The following MIA2 variants were observed in gnomAD, a reference collection of about 807,000 sequenced individuals.
MIA2 encodes melanoma inhibitory activity protein 2.
A neutral mutation model predicts 167.8 loss-of-function variants in MIA2; 127 were observed. That is an observed-to-expected ratio of 0.76 (90% CI 0.66 to 0.88). The LOEUF is 0.88. Ranked by LOEUF, MIA2 falls within the 40% of genes least tolerant of loss-of-function variation. MIA2 has a pLI of 0.00. For missense variants in MIA2, 1,690 were observed against 1,624.7 expected (o/e 1.04, Z -0.69); for synonymous variants, 552 against 541.9 (o/e 1.02, Z -0.26).
chr14:39,234,277 A>G (rs759321299), intron 1 of MIA2, 48 bp downstream of exon 1: 8 of 1,193,014 alleles, frequency 6.7e-6, no homozygotes, highest in Non-Finnish European at 9.8e-6. Context: ...GAGGCTCTGC[A>G]ATGACATAAA....
At chr14:39,238,811 A>AAAAAAAAAAAAAAACAAAACAAAAAAC in intron 2 of MIA2, among the ~76,000 whole-genome samples, 16 of 103,636 alleles carry the variant, frequency 1.5e-4, no homozygotes, top group Non-Finnish European at 1.9e-4. Flanking sequence ...AAAAAAAAAA[A>AAAAAAAAAAAAAAACAAAACAAAAAAC]CCCAAAAAAC....
chr14:39,314,234 A>G (rs531515519), intron 19 of MIA2, among the ~76,000 whole-genome samples: 48 of 152,216 alleles, frequency 3.2e-4, no homozygotes, highest in East Asian at 5.8e-4. Context: ...AAAAATACAA[A>G]AAATTAGTTG....
At chr14:39,323,397 T>C (rs1445066330) in intron 24 of MIA2, among the ~76,000 whole-genome samples, 1 of 152,134 alleles carries the variant, frequency 6.6e-6, no homozygotes, top group Non-Finnish European at 1.5e-5. Flanking sequence ...AAGAGACTGA[T>C]TTTGACATTG....
At chr14:39,361,384 G>A (rs942805964) in intron 23 of MIA2, among the ~76,000 whole-genome samples, 6 of 148,634 alleles carry the variant, frequency 4.0e-5, no homozygotes, top group Non-Finnish European at 7.4e-5. Context: ...ATTCTTTGGT[G>A]TTTTACTGTT....
At position 39,248,067 on chromosome 14, in the gene MIA2, G is replaced by A. The variant is rs1357689526; in HGVS notation, c.1493G>A (p.Gly498Glu). 1 of 1,565,374 alleles carries A rather than the reference G, an allele frequency of 6.4e-7. No homozygotes were observed. Among genetic ancestry groups the A allele is most frequent in the East Asian group, 2.3e-5 (1 of 43,884 alleles). Residue 498 changes from glycine to glutamate, a missense_variant, in exon 4 of 29, where the codon GGA becomes GAA. Transcript: ENST00000640607. ...QNNVIENEET[G>E]EFSIDNYPTD... ...AATGTAATTGAAAATGAAGAAACTG[G>A]AGAATTTTCCATTGATAATTATCCC...
downstream of MIA2, among the ~76,000 whole-genome samples, chr14:39,353,617 A>T (rs533324352): frequency 1.1e-4 from 16 of 152,268 alleles, no homozygotes; most frequent in South Asian, 1.5e-3. Context: ...CATGTGCACA[A>T]TGTGCAGGTT....
chr14:39,334,699 C>T (rs1435027929), intron 25 of MIA2, among the ~76,000 whole-genome samples: 41 of 151,876 alleles, frequency 2.7e-4, no homozygotes, highest in African/African-American at 5.5e-4. Context: ...CCCGAGTACC[C>T]GGGATTACAG....
At chr14:39,309,050 C>T (rs1360356062) in intron 18 of MIA2, among the ~76,000 whole-genome samples, 1 of 152,186 alleles carries the variant, frequency 6.6e-6, no homozygotes, top group Non-Finnish European at 1.5e-5. Flanking sequence ...TTCTCTCTTG[C>T]TTTTATATCT....
At chr14:39,317,813 T>C (rs1045120852) in intron 21 of MIA2, 131 bp from the exon 22 acceptor site, 5 of 528,478 alleles carry the variant, frequency 9.5e-6, no homozygotes, top group Non-Finnish European at 1.5e-5. Flanking sequence ...CTTCAGTGAT[T>C]ATGATTTGTA....
Position 39,276,920 on chromosome 14 carries a change from T to G in MIA2, c.1888-14T>G. 1 of 1,605,404 alleles carries G rather than the reference T, an allele frequency of 6.2e-7. No individual in the cohort carries two copies. Among genetic ancestry groups the G allele is most frequent in the African/African-American group, 1.3e-5 (1 of 74,178 alleles). ...AAGTACATTTTTAAGAACTTACTTT[T>G]CTTTATCTTGAAGGTTGTGGCAGCA... On this transcript the variant is annotated splice_polypyrimidine_tract_variant and intron_variant, in intron 6 of 28. Coordinates refer to ENST00000640607, the MANE Select transcript of MIA2 (RefSeq NM_001329214.4).
At chr14:39,251,419 C>T (rs1348571958) in intron 4 of MIA2, among the ~76,000 whole-genome samples, 1 of 151,506 alleles carries the variant, frequency 6.6e-6, no homozygotes, top group East Asian at 1.9e-4. Flanking sequence ...AATCTTAAAG[C>T]TTAGGTTTAA....
intron 6 of MIA2, among the ~76,000 whole-genome samples, chr14:39,254,479 G>C (rs1339099443): frequency 3.3e-5 from 5 of 152,180 alleles, no homozygotes; most frequent in Non-Finnish European, 7.3e-5. Flanking sequence ...CAGAGGCAGG[G>C]AGTCCAGTCA....
chr14:39,298,437 ATATAT>A (rs1341071588), intron 13 of MIA2, among the ~76,000 whole-genome samples: 221 of 17,852 alleles, frequency 0.012, 27 homozygotes, highest in South Asian at 0.032. Context: ...ATATATATAT[ATATAT>A]AAAGATTAGT....
intron 23 of MIA2, chr14:39,386,214 CCA>C (rs1239037575): frequency 2.0e-5 from 28 of 1,393,600 alleles, no homozygotes; most frequent in Non-Finnish European, 2.5e-5. Context: ...GATTTTATAC[CCA>C]GTTTGTCTGC....
At chr14:39,249,032 C>G (rs1398208120) in intron 4 of MIA2, among the ~76,000 whole-genome samples, 2 of 152,154 alleles carry the variant, frequency 1.3e-5, no homozygotes, top group African/African-American at 4.8e-5. Context: ...AGCCATCGTG[C>G]CTGGCCAGCT....
At chr14:39,362,905 T>C (rs988631005) in intron 23 of MIA2, among the ~76,000 whole-genome samples, 1 of 152,224 alleles carries the variant, frequency 6.6e-6, no homozygotes, top group Non-Finnish European at 1.5e-5. Flanking sequence ...AGAAAACTTC[T>C]TTATTTCCTT....
rs191149993 is a variant in MIA2 at position 39,251,231 on chromosome 14, C to T, written c.1568-1517C>T. ...CATATTGATTTAGGAATTTACAAAA[C>T]GGGTAAACTAGGGAACGGTTATTTA... On this transcript the variant is annotated intron_variant, in intron 4 of 28. Coordinates refer to ENST00000640607, the MANE Select transcript of MIA2 (RefSeq NM_001329214.4). Among the ~76,000 whole-genome samples the T allele has an allele frequency of 1.4e-4, 22 of 152,178 alleles. No homozygotes were observed. In the East Asian group the frequency reaches 1.5e-3, roughly 11 times the overall value.
At position 39,277,046 on chromosome 14, in the gene MIA2, T is replaced by TG. The variant is rs1566678710; in HGVS notation, c.2001dup (p.Trp668ValfsTer5). On this transcript the variant is annotated frameshift_variant, in exon 7 of 29. Coordinates refer to ENST00000640607, the MANE Select transcript of MIA2 (RefSeq NM_001329214.4). LOFTEE classifies it high-confidence loss of function. The stretch of plus-strand genomic sequence containing the variant: ...GGATTTTTTGCTGTTCTCTTTTTTT[T>TG]GTGGAGAAGTTTTAGATCGGTAAGT... 1 of 1,613,736 alleles carries TG rather than the reference T, an allele frequency of 6.2e-7. No individual in the cohort carries two copies. Among genetic ancestry groups the TG allele is most frequent in the Non-Finnish European group, 8.5e-7 (1 of 1,179,840 alleles).
intron 9 of MIA2, among the ~76,000 whole-genome samples, chr14:39,289,593 AAC>A (rs2060450101): frequency 1.3e-5 from 2 of 152,184 alleles, no homozygotes; most frequent in African/African-American, 4.8e-5. Context: ...GGTGTAAAAC[AAC>A]ACACATTTAT....
Sources: gnomAD v4.1 joint callset for allele counts (sites outside exome capture counted in the v4.1 genomes callset) on GRCh38, gnomAD v4.1.1 for gene constraint, MANE v1.5 for transcripts, NCBI Gene and HGNC (gene_info 2026-07-23, HGNC 2026-07-21) for gene names.